Variants in USP7 observed in about 807,000 individuals in gnomAD.
USP7 encodes the protein ubiquitin C-terminal hydrolase 7.
A neutral mutation model predicts 162.9 loss-of-function variants in USP7; 9 were observed. The ratio of observed to expected loss-of-function variants is 0.06; its 90% CI spans 0.03 to 0.10. The LOEUF (loss-of-function observed/expected upper bound fraction) is 0.10, where lower values mean the gene tolerates loss of function less well. Among genes scored for constraint, USP7 ranks in the 10% least tolerant of loss-of-function variants. The pLI, the probability that USP7 is intolerant of heterozygous loss-of-function variation, is 1.00. For missense variants in USP7, 715 were observed against 1,373.7 expected (o/e 0.52, Z 7.58); for synonymous variants, 562 against 475.9 (o/e 1.18, Z -2.35).
intron 14 of USP7, among the ~76,000 whole-genome samples, chr16:8,904,896 C>T (rs1164013834): frequency 2.6e-5 from 4 of 152,118 alleles, no homozygotes; most frequent in Admixed American, 6.6e-5. Context: ...GGCGAGAACC[C>T]GGGAGGTGGA....
chr16:8,929,401 G>T (rs1898192712), intron 2 of USP7: 2 of 444,292 alleles, frequency 4.5e-6, no homozygotes, highest in Admixed American at 2.4e-5. Flanking sequence ...CAGCTGCCAG[G>T]GGTAAACCGC....
chr16:8,904,665 C>A, intron 14 of USP7, 100 bp from the exon 15 acceptor site: 1 of 1,517,410 alleles, frequency 6.6e-7, no homozygotes, highest in Non-Finnish European at 8.8e-7. Context: ...TCTATTAGGC[C>A]GGCGTGGTGG....
chr16:8,895,525 G>T, intron 27 of USP7, 117 bp downstream of exon 27: 1 of 915,196 alleles, frequency 1.1e-6, no homozygotes, highest in Non-Finnish European at 1.7e-6. Context: ...CATATACCTC[G>T]ATTACTGGTA....
At chr16:8,935,598 G>C (rs976660096) in intron 1 of USP7, 15 of 152,168 alleles carry the variant, frequency 9.9e-5, no homozygotes, top group African/African-American at 3.4e-4. Flanking sequence ...ATGTCAAACA[G>C]ACAAGCCCTG....
At chr16:8,898,484 C>T (rs369225461) in intron 24 of USP7, 47 bp from the exon 25 acceptor site, 82 of 1,605,586 alleles carry the variant, frequency 5.1e-5, no homozygotes, top group East Asian at 3.6e-4. Flanking sequence ...ACCAAAACCC[C>T]GAGCCTTCTC....
At chr16:8,942,790 C>G (rs1357905555) in intron 1 of USP7, among the ~76,000 whole-genome samples, 1 of 152,192 alleles carries the variant, frequency 6.6e-6, no homozygotes, top group African/African-American at 2.4e-5. Flanking sequence ...CTCAAGCAAT[C>G]TCCCAGCTCG....
Position 8,963,241 on chromosome 16 carries a change from C to T in USP7, c.45G>A (p.Gln15=), listed in dbSNP as rs1900094070. Reference sequence around the variant, plus strand: ...CCATGTCCTCGGGCTCGCTCAACTGCTGCTCGCCCGCTTTCTGCTGCTGCT... The same window carrying T: ...CCATGTCCTCGGGCTCGCTCAACTGTTGCTCGCCCGCTTTCTGCTGCTGCT... ...QQQQQQKAGE[Q]QLSEPEDMEM... Residue 15 remains glutamine, a synonymous_variant, in exon 1 of 31, where the codon CAG becomes CAA. Coordinates refer to ENST00000344836, the MANE Select transcript of USP7 (RefSeq NM_003470.3). 2.2e-6 allele frequency: 3 copies of T among 1,395,322 alleles called. No homozygotes were observed. The highest frequency in any genetic ancestry group is 3.5e-5 in the East Asian group (1 of 28,422). 86.4% of individuals were successfully genotyped at this position (1,395,322 alleles called of 1,614,324 possible).
At chr16:8,923,660 A>G (rs1348822583) in intron 2 of USP7, among the ~76,000 whole-genome samples, 1 of 152,206 alleles carries the variant, frequency 6.6e-6, no homozygotes, top group Non-Finnish European at 1.5e-5. Context: ...TCCCTGTCAG[A>G]CTGAGTTCCA....
Position 8,906,453 on chromosome 16 carries a change from A to C in USP7, c.1401T>G (p.Val467=). The change falls in exon 13 of 31, where the codon GTT becomes GTG. Residue 467 remains valine, a synonymous_variant. Transcript: ENST00000344836. ...SGDNHGGHYV[V]YLNPKGDGKW... ...TGCCATCCCCTTTGGGGTTTAGATA[A>C]ACCACATAATGTCCACCATGATTAT... 6.2e-7 allele frequency: 1 copy of C among 1,612,288 alleles called. No homozygotes were observed. The highest frequency in any genetic ancestry group is 8.5e-7 in the Non-Finnish European group (1 of 1,179,998).
chr16:8,920,508 A>T, intron 4 of USP7, 61 bp from the exon 5 acceptor site: 1 of 1,411,480 alleles, frequency 7.1e-7, no homozygotes, highest in Non-Finnish European at 9.8e-7. Context: ...TTCCCAAGAG[A>T]CAAATTACAT....
At chr16:8,950,347 C>T (rs1420960989) in intron 1 of USP7, among the ~76,000 whole-genome samples, 1 of 152,026 alleles carries the variant, frequency 6.6e-6, no homozygotes. Flanking sequence ...GATAAACACT[C>T]AAGATTAAAA....
In USP7 at chr16:8,952,856, G is replaced by C. The variant is rs113794586; in HGVS notation, c.79+10351C>G. Among the ~76,000 whole-genome samples the C allele has an allele frequency of 3.5e-3, 527 of 150,778 alleles. 2 individuals carry two copies. The highest frequency in any genetic ancestry group is 0.011 in the African/African-American group (456 of 41,086). ...ACACTCGCTTTTTTTTTTTTAAGAC[G>C]GAGTCTCATTCTTGTTGTCGCCCAG... On this transcript the variant is annotated intron_variant, in intron 1 of 30. Coordinates refer to ENST00000344836, the MANE Select transcript of USP7 (RefSeq NM_003470.3).
chr16:8,925,039 TG>T (rs1199026151), intron 2 of USP7, among the ~76,000 whole-genome samples: 1 of 152,174 alleles, frequency 6.6e-6, no homozygotes. Context: ...TAGAATGGCG[TG>T]GTGGAATAAG....
chr16:8,900,931 C>T, intron 20 of USP7, 59 bp downstream of exon 20: 1 of 1,568,922 alleles, frequency 6.4e-7, no homozygotes, highest in South Asian at 1.2e-5. Context: ...AAAGAACAAA[C>T]AAAACCCTCC....
Position 8,904,608 on chromosome 16 carries a change from T to G in USP7, c.1574-43A>C, listed in dbSNP as rs199897259. On this transcript the variant is annotated intron_variant, in intron 14 of 30. Coordinates refer to ENST00000344836, the MANE Select transcript of USP7 (RefSeq NM_003470.3). The stretch of plus-strand genomic sequence containing the variant: ...CCTCTTTGACCCCTGCAGATGGACT[T>G]TCCCCTCTTAGAAGCTCCCGATTCT... The G allele has an allele frequency of 1.6e-5, 26 of 1,605,194 alleles. No homozygotes were observed. The Admixed American group carries it at 1.7e-4, about 10-fold the overall frequency.
chr16:8,947,157 C>CTGAA (rs1346010858), intron 1 of USP7, among the ~76,000 whole-genome samples: 1 of 152,040 alleles, frequency 6.6e-6, no homozygotes, highest in Non-Finnish European at 1.5e-5. Flanking sequence ...CTGCAGCTGA[C>CTGAA]TGAATGCACA....
intron 25 of USP7, among the ~76,000 whole-genome samples, chr16:8,897,714 A>T (rs2061705849): frequency 7.0e-4 from 30 of 42,944 alleles, no homozygotes; most frequent in Non-Finnish European, 1.0e-3. Context: ...AAAAAAAAAA[A>T]AAAAAAAAAA....
Position 8,895,687 on chromosome 16 carries a change from T to G in USP7, c.2874A>C (p.Leu958=). The G allele has an allele frequency of 6.2e-7, 1 of 1,613,632 alleles. No individual in the cohort carries two copies. Among genetic ancestry groups the G allele is most frequent in the Non-Finnish European group, 8.5e-7 (1 of 1,179,940 alleles). The part of the protein sequence containing the change: ...KIIGVHQEDE[L]LECLSPATSR... ...TCGTTGCAGGAGATAAACATTCTAA[T>G]AGTTCATCTTCTTGATGAACACCAA... is the stretch of plus-strand genomic sequence containing the variant. Residue 958 remains leucine, a synonymous_variant, in exon 27 of 31, where the codon CTA becomes CTC. Coordinates refer to ENST00000344836, the MANE Select transcript of USP7 (RefSeq NM_003470.3).
chr16:8,923,115 A>C, intron 3 of USP7, 100 bp downstream of exon 3: 1 of 602,504 alleles, frequency 1.7e-6, no homozygotes, highest in Non-Finnish European at 2.5e-6. Flanking sequence ...TATTTAATCT[A>C]ATTTAAAATC....
Sources: gnomAD v4.1 joint callset for allele counts (sites outside exome capture counted in the v4.1 genomes callset) on GRCh38, gnomAD v4.1.1 for gene constraint, MANE v1.5 for transcripts, NCBI Gene and HGNC (gene_info 2026-07-23, HGNC 2026-07-21) for gene names.